NEK1: variants seen among roughly 807,000 people sequenced by gnomAD.
NEK1 encodes the protein NIMA related kinase 1, also known as serine/threonine-protein kinase Nek1.
A neutral mutation model predicts 182.1 loss-of-function variants in NEK1; 137 were observed. The ratio of observed to expected loss-of-function variants is 0.75; its 90% CI spans 0.65 to 0.87. NEK1 has a LOEUF of 0.87. Among genes scored for constraint, NEK1 ranks in the 40% least tolerant of loss-of-function variants. NEK1 has a pLI of 0.00. For missense variants in NEK1, 1,391 were observed against 1,494.4 expected (o/e 0.93, Z 1.14); for synonymous variants, 513 against 492.2 (o/e 1.04, Z -0.56).
At chr4:169,508,175 T>A in intron 21 of NEK1, 73 bp downstream of exon 21, 5 of 1,306,288 alleles carry the variant, frequency 3.8e-6, no homozygotes, top group Non-Finnish European at 4.2e-6. Context: ...TTGTTGTTAA[T>A]GGCACAGCAT....
chr4:169,549,116 C>T (rs1761014112), intron 18 of NEK1, among the ~76,000 whole-genome samples: 1 of 152,232 alleles, frequency 6.6e-6, no homozygotes, highest in Non-Finnish European at 1.5e-5. Context: ...TGGAGGGAAT[C>T]TCCTGGTCTG....
Position 169,466,248 on chromosome 4 carries a change from GAATA to G in NEK1, c.2435-2857_2435-2854del, listed in dbSNP as rs1003123342. Among the ~76,000 whole-genome samples the G allele has an allele frequency of 5.3e-5, 8 of 151,930 alleles. No homozygotes were observed. The South Asian group carries it at 1.0e-3, about 20-fold the overall frequency. The stretch of plus-strand genomic sequence containing the variant: ...CATACTGAAGACAGAAAAAAAAATA[GAATA>G]AATAATGGCCACGAGTTTTTCAAGT... On this transcript the variant is annotated intron_variant, in intron 26 of 35. Coordinates refer to ENST00000507142, the MANE Select transcript of NEK1 (RefSeq NM_001199397.3).
chr4:169,454,204 T>G (rs1324041219), intron 27 of NEK1, among the ~76,000 whole-genome samples: 1 of 152,204 alleles, frequency 6.6e-6, no homozygotes, highest in Non-Finnish European at 1.5e-5. Flanking sequence ...GACTTAAATG[T>G]TAGACCTAAA....
intron 18 of NEK1, among the ~76,000 whole-genome samples, chr4:169,542,437 T>C (rs545029902): frequency 8.5e-4 from 129 of 152,358 alleles, no homozygotes; most frequent in African/African-American, 2.9e-3. Context: ...GTCTTTGCTA[T>C]TGTGAATAGT....
At chr4:169,419,324 C>G (rs1488927345) in intron 31 of NEK1, among the ~76,000 whole-genome samples, 1 of 149,544 alleles carries the variant, frequency 6.7e-6, no homozygotes, top group Non-Finnish European at 1.5e-5. Context: ...CACTTTCATA[C>G]AAACAAAATC....
intron 19 of NEK1, among the ~76,000 whole-genome samples, chr4:169,531,331 AGAAAG>A (rs1213556740): frequency 4.6e-5 from 7 of 152,120 alleles, no homozygotes; most frequent in Non-Finnish European, 8.8e-5. Flanking sequence ...ATAGTAGATA[AGAAAG>A]GAGAGACAGC....
At chr4:169,508,398 A>G (rs1372677807) in intron 20 of NEK1, 67 bp from the exon 21 acceptor site, 25 of 1,309,372 alleles carry the variant, frequency 1.9e-5, no homozygotes, top group Non-Finnish European at 2.4e-5. Flanking sequence ...TTACTGCTAG[A>G]TTTTTTTTAA....
chr4:169,536,478 A>G lies in NEK1; in HGVS notation c.1665+1331T>C, dbSNP rs534656846. 1.1e-4 allele frequency among the ~76,000 whole-genome samples: 17 copies of G among 152,268 alleles called. No individual in the cohort carries two copies. The East Asian group carries it at 2.5e-3, about 22-fold the overall frequency. On this transcript the variant is annotated intron_variant, in intron 19 of 35. Transcript: ENST00000507142. ...GGTAAAAAGTTTCAACTATAATACA[A>G]TATCCAGTCAAAATATTTGTTAACA...
At chr4:169,532,449 C>T (rs574358922) in intron 19 of NEK1, among the ~76,000 whole-genome samples, 3 of 152,000 alleles carry the variant, frequency 2.0e-5, no homozygotes, top group African/African-American at 4.8e-5. Flanking sequence ...CAAGAGTGAG[C>T]GGTAATGTAA....
At chr4:169,521,734 G>T (rs1237305400) in intron 19 of NEK1, among the ~76,000 whole-genome samples, 1 of 152,110 alleles carries the variant, frequency 6.6e-6, no homozygotes, top group Non-Finnish European at 1.5e-5. Flanking sequence ...TCTTCTTTCA[G>T]CACCTGAAAA....
At chr4:169,473,283 C>A (rs187733672) in intron 26 of NEK1, among the ~76,000 whole-genome samples, 2 of 149,724 alleles carry the variant, frequency 1.3e-5, no homozygotes, top group East Asian at 3.9e-4. Context: ...TTACAGAATT[C>A]TAAGTGGGAG....
At chr4:169,397,369 A>AAGTT (rs1730909824) in intron 35 of NEK1, among the ~76,000 whole-genome samples, 1 of 152,344 alleles carries the variant, frequency 6.6e-6, no homozygotes, top group East Asian at 1.9e-4. Flanking sequence ...CATTTCATTT[A>AAGTT]ACTCTCATGA....
At chr4:169,588,492 A>G (rs1767890131) in intron 8 of NEK1, among the ~76,000 whole-genome samples, 157 bp downstream of exon 8, 1 of 152,146 alleles carries the variant, frequency 6.6e-6, no homozygotes, top group Non-Finnish European at 1.5e-5. Flanking sequence ...TAGCTTTTTT[A>G]CAATTCCCCT....
intron 5 of NEK1, among the ~76,000 whole-genome samples, chr4:169,598,144 G>A (rs1271110880): frequency 6.6e-6 from 1 of 152,098 alleles, no homozygotes; most frequent in African/African-American, 2.4e-5. Flanking sequence ...TATAATTCAA[G>A]TGTGTGAAAA....
intron 12 of NEK1, among the ~76,000 whole-genome samples, chr4:169,576,040 C>T (rs1366415285): frequency 2.0e-5 from 3 of 151,816 alleles, no homozygotes; most frequent in Non-Finnish European, 4.4e-5. Context: ...CTTTGGCTCA[C>T]TGCAACCTCC....
chr4:169,449,003 C>T (rs1339249214), intron 27 of NEK1, among the ~76,000 whole-genome samples: 1 of 152,270 alleles, frequency 6.6e-6, no homozygotes, highest in African/African-American at 2.4e-5. Flanking sequence ...AGGTGATTCT[C>T]TCCTGTGCCT....
intron 18 of NEK1, among the ~76,000 whole-genome samples, chr4:169,544,219 G>C (rs1420199068): frequency 6.6e-6 from 1 of 152,170 alleles, no homozygotes; most frequent in Non-Finnish European, 1.5e-5. Flanking sequence ...CATCTATTGA[G>C]ATAATCATGG....
chr4:169,516,257 T>C (rs1007171456), intron 19 of NEK1, among the ~76,000 whole-genome samples: 1 of 99,218 alleles, frequency 1.0e-5, no homozygotes, highest in African/African-American at 6.0e-5. Flanking sequence ...TGGCCAGTGA[T>C]GATGAGCATT....
intron 29 of NEK1, among the ~76,000 whole-genome samples, chr4:169,432,924 C>T (rs1364813597): frequency 3.3e-5 from 5 of 152,176 alleles, no homozygotes; most frequent in Admixed American, 2.0e-4. Context: ...TAGGCACCCG[C>T]CGCCATGCCT....
Sources: allele counts gnomAD v4.1 joint callset (sites outside exome capture counted in the v4.1 genomes callset), GRCh38; gene constraint gnomAD v4.1.1; transcripts MANE v1.5; gene names NCBI Gene and HGNC (gene_info 2026-07-23, HGNC 2026-07-21).